The following NBAS variants were observed in gnomAD, a reference collection of about 807,000 sequenced individuals.
NBAS encodes NBAS subunit of NRZ tethering complex, also known as NAG/BC035112 fusion.
NBAS carries 219 observed loss-of-function variants against 302.5 expected under a neutral mutation model. The observed-to-expected ratio is 0.72, with a 90% CI of 0.65 to 0.81. The LOEUF (loss-of-function observed/expected upper bound fraction) is 0.81. Ranked by LOEUF, NBAS falls within the 30% of genes least tolerant of loss-of-function variation. NBAS has a pLI of 0.00. For synonymous variants in NBAS, 1,118 were observed against 1,021.6 expected, an observed-to-expected ratio of 1.09 and a Z score of -1.80; for missense variants, 2,932 against 2,841.6, an observed-to-expected ratio of 1.03 and a Z score of -0.72.
At chr2:15,239,582 A>G (rs974533779) in intron 44 of NBAS, among the ~76,000 whole-genome samples, 15 of 151,954 alleles carry the variant, frequency 9.9e-5, no homozygotes, top group Non-Finnish European at 2.1e-4. Flanking sequence ...TTGGCACTAA[A>G]AAAGTTTCAG....
the NBAS span, among the ~76,000 whole-genome samples, chr2:14,955,265 G>C: frequency 2.0e-5 from 3 of 152,206 alleles, no homozygotes. Context: ...CAAGAGGTGG[G>C]CTCCCACAGC....
intron 51 of NBAS, among the ~76,000 whole-genome samples, chr2:15,170,304 A>G (rs998807540): frequency 2.0e-5 from 3 of 152,110 alleles, no homozygotes; most frequent in Non-Finnish European, 4.4e-5. Context: ...GCTTTTCAGA[A>G]GCTGCTCTCA....
At chr2:14,926,312 G>A in the NBAS span, among the ~76,000 whole-genome samples, 8 of 152,140 alleles carry the variant, frequency 5.3e-5, no homozygotes, top group Admixed American at 5.2e-4. Context: ...TCTCCTCTAG[G>A]CTTCCCTAGA....
chr2:15,101,393 T>A, the NBAS span, among the ~76,000 whole-genome samples: 3 of 152,118 alleles, frequency 2.0e-5, no homozygotes, highest in Non-Finnish European at 4.4e-5. Flanking sequence ...TCTATTTTTG[T>A]GTATATTATA....
chr2:15,380,123 TG>T (rs1308287886), intron 29 of NBAS, among the ~76,000 whole-genome samples: 1 of 152,222 alleles, frequency 6.6e-6, no homozygotes, highest in Non-Finnish European at 1.5e-5. Context: ...AATAAATACT[TG>T]GGTCAAGTAT....
At chr2:15,179,237 A>C in intron 50 of NBAS, 121 bp from the exon 51 acceptor site, 2 of 1,458,844 alleles carry the variant, frequency 1.4e-6, no homozygotes. Context: ...GTAAAGCCAC[A>C]TATGGTACCG....
the NBAS span, among the ~76,000 whole-genome samples, chr2:14,896,621 C>T: frequency 2.0e-5 from 3 of 152,080 alleles, no homozygotes; most frequent in East Asian, 3.9e-4. Context: ...GTAATCATAG[C>T]CCTGCAAAAC....
the NBAS span, among the ~76,000 whole-genome samples, chr2:15,010,955 T>A: frequency 9.2e-5 from 14 of 152,298 alleles, no homozygotes; most frequent in East Asian, 1.5e-3. Flanking sequence ...AATGTCAGCT[T>A]TTTTCTTGGA....
the NBAS span, among the ~76,000 whole-genome samples, chr2:15,040,740 G>T: frequency 4.6e-5 from 7 of 152,128 alleles, no homozygotes; most frequent in African/African-American, 1.7e-4. Context: ...CTTGGTCCAG[G>T]AGGTGGCCTT....
the NBAS span, among the ~76,000 whole-genome samples, chr2:14,912,483 C>T: frequency 6.6e-6 from 1 of 152,012 alleles, no homozygotes; most frequent in Non-Finnish European, 1.5e-5. Context: ...GAAAATAACA[C>T]AGAAATGAAG....
At chr2:14,946,759 T>C in the NBAS span, among the ~76,000 whole-genome samples, 1 of 152,274 alleles carries the variant, frequency 6.6e-6, no homozygotes, top group East Asian at 1.9e-4. Context: ...AAATGTCCTC[T>C]AGAACAGGTG....
intron 44 of NBAS, among the ~76,000 whole-genome samples, chr2:15,240,446 C>CAA (rs1175235771): frequency 0.023 from 1,721 of 75,354 alleles, 37 homozygotes; most frequent in Admixed American, 0.071. Context: ...ACTAAAAATA[C>CAA]AAAAAAAAAA....
the NBAS span, among the ~76,000 whole-genome samples, chr2:14,798,287 C>A: frequency 6.6e-6 from 1 of 151,998 alleles, no homozygotes; most frequent in African/African-American, 2.4e-5. Flanking sequence ...TTTCAGATAC[C>A]TTTTTGAGGA....
At chr2:15,156,373 CTCTG>C in the NBAS span, among the ~76,000 whole-genome samples, 1 of 152,176 alleles carries the variant, frequency 6.6e-6, no homozygotes, top group Non-Finnish European at 1.5e-5. Flanking sequence ...TTCTCTTTTC[CTCTG>C]TCTGTGTGGA....
At chr2:15,139,522 G>A in the NBAS span, among the ~76,000 whole-genome samples, 7 of 151,838 alleles carry the variant, frequency 4.6e-5, no homozygotes, top group African/African-American at 1.7e-4. Context: ...GTGTGTGTGT[G>A]TATGTGTGTG....
the NBAS span, among the ~76,000 whole-genome samples, chr2:14,789,477 T>G: frequency 6.6e-6 from 1 of 152,200 alleles, no homozygotes; most frequent in Non-Finnish European, 1.5e-5. Flanking sequence ...CCATATTGGC[T>G]GCCAAGTTCC....
At chr2:15,251,525 A>C (rs1668365292) in intron 44 of NBAS, among the ~76,000 whole-genome samples, 1 of 152,180 alleles carries the variant, frequency 6.6e-6, no homozygotes, top group Admixed American at 6.5e-5. Context: ...TAAAAGAATA[A>C]AGAATGTCTA....
At chr2:15,138,829 G>C in the NBAS span, among the ~76,000 whole-genome samples, 2 of 152,326 alleles carry the variant, frequency 1.3e-5, no homozygotes, top group South Asian at 4.1e-4. Flanking sequence ...ACACTGTAAA[G>C]AATGAAGAGT....
At chr2:15,422,120 T>C (rs75146918) in intron 23 of NBAS, among the ~76,000 whole-genome samples, 2,058 of 152,338 alleles carry the variant, frequency 0.014, 31 homozygotes, top group East Asian at 0.059. Context: ...GTGTGCTCTG[T>C]CCGTTCATTC....
Sources: gnomAD v4.1 joint callset for allele counts (sites outside exome capture counted in the v4.1 genomes callset) on GRCh38, gnomAD v4.1.1 for gene constraint, MANE v1.5 for transcripts, NCBI Gene and HGNC (gene_info 2026-07-23, HGNC 2026-07-21) for gene names.